Variants in SEH1L observed in about 807,000 individuals in gnomAD.
SEH1L encodes the protein nucleoporin SEH1.
Under a neutral mutation model 49.5 loss-of-function variants are expected in SEH1L, and 18 were observed. The observed-to-expected ratio is 0.36, with a 90% CI of 0.25 to 0.54. The LOEUF is 0.54. Among genes scored for constraint, SEH1L ranks in the 20% least tolerant of loss-of-function variants. The pLI is 0.87. For missense variants in SEH1L, 404 were observed against 528.8 expected, an observed-to-expected ratio of 0.76 and a Z score of 2.31; for synonymous variants, 169 against 178.1, an observed-to-expected ratio of 0.95 and a Z score of 0.41.
rs768679522 is a variant in SEH1L at position 12,987,008 on chromosome 18, G to A, written c.1217G>A (p.Arg406Gln). 3.7e-6 allele frequency: 6 copies of A among 1,613,230 alleles called. No individual in the cohort carries two copies. Among genetic ancestry groups the A allele is most frequent in the Non-Finnish European group, 4.2e-6 (5 of 1,179,532 alleles). Residue 406 changes from arginine to glutamine, a missense_variant, in exon 9 of 9, where the codon CGA becomes CAA. Arg to Gln is a conservative substitution (Grantham distance 43, BLOSUM62 1). Around this residue, in one of 3 missense-constraint regions of SEH1L, gnomAD observed 342 missense variants for 430.8 expected, o/e 0.79. Coordinates refer to ENST00000399892, the MANE Select transcript of SEH1L (RefSeq NM_001013437.2). Reference sequence around the variant, plus strand: ...CTCCAGTATCCTCACCCTCGCAGACGATATCTCTCTCGGCCTCTTAATCCC... The same window carrying A: ...CTCCAGTATCCTCACCCTCGCAGACAATATCTCTCTCGGCCTCTTAATCCC... ...ANLQYPHPRR[R>Q]YLSRPLNPLP... is the part of the protein sequence containing the mutation.
intron 8 of SEH1L, chr18:12,986,424 G>C (rs1291114504): frequency 2.0e-6 from 2 of 985,904 alleles, no homozygotes; most frequent in African/African-American, 3.5e-5. Flanking sequence ...CCAGTATCAT[G>C]TACGCACTAA....
chr18:12,960,675 G>A lies in SEH1L; in HGVS notation c.310-2485G>A, dbSNP rs187806096. ...ATAGAATTATAAAAGTTTTTTTGGC[G>A]TTAAGTCTGAGGTGTGTCAGTTCAG... On this transcript the variant is annotated intron_variant, in intron 3 of 8. Transcript: ENST00000399892. Among the ~76,000 whole-genome samples, 13 of 152,272 alleles carry A rather than the reference G, an allele frequency of 8.5e-5. No homozygotes were observed. In the East Asian group the frequency reaches 1.3e-3, roughly 16 times the overall value.
At position 12,965,009 on chromosome 18, in the gene SEH1L, C is replaced by CTTTTT. The variant is rs138934038; in HGVS notation, c.521+1656_521+1660dup. ...ACATTGCCCCTTCCATTTCCTCATTCTTTTTTTTTTTTTTTTTTTTTTGAG... is the reference window on the plus strand; with the variant it reads ...ACATTGCCCCTTCCATTTCCTCATTCTTTTTTTTTTTTTTTTTTTTTTTTTTTGAG... On this transcript the variant is annotated intron_variant, in intron 4 of 8. Transcript: ENST00000399892. 3.6e-3 allele frequency among the ~76,000 whole-genome samples: 298 copies of CTTTTT among 82,608 alleles called. 2 individuals carry two copies. The highest frequency in any genetic ancestry group is 0.011 in the Middle Eastern group (1 of 90). The allele number at this position is 82,608 out of a possible 152,430, so 54.2% of individuals were successfully genotyped here. A position where few individuals can be genotyped will look rare whatever the true frequency, so the allele number is the denominator to read the frequency against.
At chr18:12,966,931 TC>T (rs1473249506) in intron 4 of SEH1L, among the ~76,000 whole-genome samples, 3 of 152,228 alleles carry the variant, frequency 2.0e-5, no homozygotes, top group Non-Finnish European at 4.4e-5. Context: ...ATACATTTTT[TC>T]CCATCATTGA....
intron 5 of SEH1L, chr18:12,974,112 G>A (rs1470496219): frequency 6.6e-6 from 1 of 152,000 alleles, no homozygotes; most frequent in African/African-American, 2.4e-5. Flanking sequence ...GTGGGGGTGT[G>A]TGCTATTGAC....
At chr18:12,955,394 T>G in intron 2 of SEH1L, 69 bp from the exon 3 acceptor site, 5 of 1,435,774 alleles carry the variant, frequency 3.5e-6, no homozygotes, top group Non-Finnish European at 4.7e-6. Flanking sequence ...TATGAATAAG[T>G]ATTTAGGAAA....
chr18:12,972,836 G>T (rs2031758862), intron 5 of SEH1L: 1 of 152,204 alleles, frequency 6.6e-6, no homozygotes, highest in African/African-American at 2.4e-5. Context: ...GCTTCATGAA[G>T]TGTTGGGCTT....
At chr18:12,957,360 G>A (rs2030930444) in intron 3 of SEH1L, among the ~76,000 whole-genome samples, 1 of 152,118 alleles carries the variant, frequency 6.6e-6, no homozygotes, top group South Asian at 2.1e-4. Context: ...CCCGGGAGGC[G>A]GAGGTTGTGA....
At chr18:12,963,480 T>A (rs1328004178) in intron 4 of SEH1L, 109 bp downstream of exon 4, 16 of 826,894 alleles carry the variant, frequency 1.9e-5, no homozygotes, top group Non-Finnish European at 3.1e-5. Flanking sequence ...TCTCAAGATA[T>A]ATAGAGTATA....
chr18:12,965,857 A>C (rs1215134173), intron 4 of SEH1L, among the ~76,000 whole-genome samples: 1 of 152,042 alleles, frequency 6.6e-6, no homozygotes, highest in Non-Finnish European at 1.5e-5. Flanking sequence ...AGTTTTTTCC[A>C]CCTTGGGGTT....
chr18:12,986,491 A>C lies in SEH1L; in HGVS notation c.1071-371A>C, dbSNP rs145288849. On this transcript the variant is annotated intron_variant, in intron 8 of 8. Transcript: ENST00000399892. Reference sequence around the variant, plus strand: ...AACCATTGCTTAAGATAAAAAACTTAACTAGATCTGTAAATGTACAGAATA... The same window carrying C: ...AACCATTGCTTAAGATAAAAAACTTCACTAGATCTGTAAATGTACAGAATA... 2.0e-3 allele frequency: 1,952 copies of C among 987,992 alleles called. 32 individuals carry two copies. The East Asian group carries it at 0.05, about 25-fold the overall frequency. The allele number at this position is 987,992 out of a possible 1,614,324, so 61.2% of individuals were successfully genotyped here.
intron 3 of SEH1L, among the ~76,000 whole-genome samples, chr18:12,956,000 A>C (rs944279844): frequency 2.0e-5 from 3 of 150,340 alleles, no homozygotes; most frequent in Non-Finnish European, 4.4e-5. Flanking sequence ...GCCTAACTCT[A>C]AAATTCTTTT....
chr18:12,960,853 T>G (rs1165226848), intron 3 of SEH1L, among the ~76,000 whole-genome samples: 1 of 152,162 alleles, frequency 6.6e-6, no homozygotes, highest in African/African-American at 2.4e-5. Context: ...TCTTGCCTCT[T>G]CAAAAGAAAG....
intron 6 of SEH1L, among the ~76,000 whole-genome samples, chr18:12,980,882 C>G (rs1324135419): frequency 1.4e-5 from 2 of 147,878 alleles, no homozygotes; most frequent in South Asian, 2.2e-4. Flanking sequence ...TGACCCCCCC[C>G]ACCTCCCTTC....
At chr18:12,980,187 T>A (rs1181907067) in intron 6 of SEH1L, among the ~76,000 whole-genome samples, 1 of 55,792 alleles carries the variant, frequency 1.8e-5, no homozygotes, top group Non-Finnish European at 3.6e-5. Flanking sequence ...ACCTCCCGGA[T>A]GGGGCGGCTG....
intron 3 of SEH1L, among the ~76,000 whole-genome samples, chr18:12,957,023 A>C (rs988145479): frequency 6.7e-6 from 1 of 149,604 alleles, no homozygotes; most frequent in Non-Finnish European, 1.5e-5. Context: ...AGCCGAGATC[A>C]CGCCACTGCA....
intron 3 of SEH1L, among the ~76,000 whole-genome samples, chr18:12,958,106 C>T (rs62095794): frequency 0.095 from 5,792 of 61,110 alleles, 250 homozygotes; most frequent in East Asian, 0.27. Context: ...TTTTTTGAGA[C>T]AGAGTCTTGT....
intron 6 of SEH1L, among the ~76,000 whole-genome samples, chr18:12,981,203 G>A (rs1031150776): frequency 6.6e-6 from 1 of 150,452 alleles, no homozygotes; most frequent in Non-Finnish European, 1.5e-5. Context: ...GGGCAGAGAC[G>A]CTCCTCACTT....
intron 5 of SEH1L, chr18:12,978,241 C>CAAAACAAATTACCATAACAAATTGCCAAA (rs1272110561): frequency 1.3e-5 from 2 of 152,322 alleles, no homozygotes; most frequent in Non-Finnish European, 2.9e-5. Flanking sequence ...AACAAATTAC[C>CAAAACAAATTACCATAACAAATTGCCAAA]ACAAATCAGG....
Sources: allele counts gnomAD v4.1 joint callset (sites outside exome capture counted in the v4.1 genomes callset), GRCh38; gene constraint gnomAD v4.1.1; regional missense constraint gnomAD v4.1.1; transcripts MANE v1.5; gene names NCBI Gene and HGNC (gene_info 2026-07-23, HGNC 2026-07-21).